Variants in GABRR1 observed in about 807,000 individuals in gnomAD.
GABRR1 encodes gamma-aminobutyric acid receptor subunit rho-1.
Under a neutral mutation model 55.5 loss-of-function variants are expected in GABRR1, and 59 were observed. The ratio of observed to expected loss-of-function variants is 1.06; its 90% CI spans 0.86 to 1.32. The LOEUF (loss-of-function observed/expected upper bound fraction) is 1.32. GABRR1 is among the 40% of genes most tolerant of loss of function. The pLI is 0.00. For synonymous variants in GABRR1, 213 were observed against 226.0 expected, an observed-to-expected ratio of 0.94 and a Z score of 0.51; for missense variants, 602 against 619.1, an observed-to-expected ratio of 0.97 and a Z score of 0.29.
rs375160981 is a variant in GABRR1, at chr6:89,226,264, T to G, written c.-410-4818A>C. The stretch of plus-strand genomic sequence containing the variant: ...TCTTTTGCTGTGCAGAAGCTCTTTA[T>G]TTTAATTAGATCCCATTGTCAATTT... On this transcript the variant is annotated intron_variant, in intron 1 of 11. Coordinates refer to the GABRR1 transcript ENST00000369451. 7.5e-4 allele frequency among the ~76,000 whole-genome samples: 98 copies of G among 130,648 alleles called. 1 individual carries two copies. Among genetic ancestry groups the G allele is most frequent in the African/African-American group, 2.7e-3 (89 of 32,764 alleles). 85.7% of individuals were successfully genotyped at this position (130,648 alleles called of 152,430 possible). A position where few individuals can be genotyped will look rare whatever the true frequency, so the allele number is the denominator to read the frequency against.
chr6:89,192,671 C>T (rs1772141095), intron 5 of GABRR1, among the ~76,000 whole-genome samples: 1 of 151,824 alleles, frequency 6.6e-6, no homozygotes, highest in South Asian at 2.1e-4. Context: ...AACGATTCTC[C>T]TGCCTCAGCC....
chr6:89,190,062 C>A, intron 6 of GABRR1, 103 bp downstream of exon 6: 1 of 671,724 alleles, frequency 1.5e-6, no homozygotes, highest in Non-Finnish European at 2.4e-6. Context: ...AAAAAAAAGT[C>A]TACTCATGAA....
At chr6:89,197,652 CAGA>C (rs1772342390) in intron 5 of GABRR1, among the ~76,000 whole-genome samples, 1 of 152,116 alleles carries the variant, frequency 6.6e-6, no homozygotes, top group South Asian at 2.1e-4. Context: ...CCAGATGAAG[CAGA>C]AGAACTTTTT....
Position 89,197,318 on chromosome 6 carries a change from C to T in GABRR1, c.572+702G>A, listed in dbSNP as rs144580084. Among the ~76,000 whole-genome samples the T allele has an allele frequency of 2.2e-3, 334 of 152,308 alleles. 2 individuals are homozygous for T. Among genetic ancestry groups the T allele is most frequent in the Middle Eastern group, 0.017 (5 of 294 alleles). On this transcript the variant is annotated intron_variant, in intron 5 of 9. Coordinates refer to ENST00000454853, the MANE Select transcript of GABRR1 (RefSeq NM_002042.5). Reference sequence around the variant, plus strand: ...CACCGTCCACAAAGCACAAGAGGAGCAGACCACAGCAAGTGACCACATCCC... The same window carrying T: ...CACCGTCCACAAAGCACAAGAGGAGTAGACCACAGCAAGTGACCACATCCC...
chr6:89,201,970 G>A (rs1165078448), intron 2 of GABRR1, among the ~76,000 whole-genome samples: 1 of 152,074 alleles, frequency 6.6e-6, no homozygotes, highest in African/African-American at 2.4e-5. Context: ...CCTTTTGAGG[G>A]GTTTTGAGCT....
chr6:89,181,902 T>C lies in GABRR1; in HGVS notation c.949+3A>G. On this transcript the variant is annotated splice_donor_region_variant and intron_variant, in intron 8 of 9. Coordinates refer to ENST00000454853, the MANE Select transcript of GABRR1 (RefSeq NM_002042.5). ...TGGAATATGCACTTGAGGTATTCCT[T>C]ACCTAAGGGGACTCTGGCAGGCACG... The C allele has an allele frequency of 6.2e-7, 1 of 1,608,706 alleles. No individual in the cohort carries two copies. The highest frequency in any genetic ancestry group is 1.3e-5 in the African/African-American group (1 of 74,822).
At chr6:89,218,676 A>G (rs989281820), upstream of GABRR1, among the ~76,000 whole-genome samples, 97 of 152,230 alleles carry the variant, frequency 6.4e-4, no homozygotes, top group African/African-American at 2.3e-3. Flanking sequence ...CCTTGCCTTG[A>G]ATGCCCTATT....
At chr6:89,196,822 G>GGAAGGAAAGAAAGAAA (rs1262381146) in intron 5 of GABRR1, among the ~76,000 whole-genome samples, 24 of 91,116 alleles carry the variant, frequency 2.6e-4, no homozygotes, top group Non-Finnish European at 3.9e-4. Context: ...AAGAAAAGAA[G>GGAAGGAAAGAAAGAAA]GAAAGAAAGA....
rs1325732475 is a variant in GABRR1 at position 89,178,965 on chromosome 6, C to A, written c.1245G>T (p.Glu415Asp). 1 of 1,614,198 alleles carries A rather than the reference C, an allele frequency of 6.2e-7. No individual in the cohort carries two copies. The highest frequency in any genetic ancestry group is 8.5e-7 in the Non-Finnish European group (1 of 1,180,038). The change falls in exon 10 of 10, where the codon GAG becomes GAT. Residue 415 changes from glutamate to aspartate, a missense_variant. Coordinates refer to ENST00000454853, the MANE Select transcript of GABRR1 (RefSeq NM_002042.5). ...EVNDLDNYMP[E>D]NGEKPDRMMV... ...TCATCCTGTCGGGCTTCTCTCCATT[C>A]TCTGGCATGTAGTTGTCCAGGTCAT... is the stretch of plus-strand genomic sequence containing the variant.
chr6:89,203,174 A>G (rs769638140), intron 2 of GABRR1, among the ~76,000 whole-genome samples: 5 of 152,184 alleles, frequency 3.3e-5, no homozygotes, highest in African/African-American at 1.2e-4. Flanking sequence ...GCTTACAGAT[A>G]TAAGGGAGGA....
In GABRR1 at chr6:89,198,205, C is replaced by T. The variant is rs748969487; in HGVS notation, c.387G>A (p.Lys129=). The change falls in exon 5 of 10, where the codon AAG becomes AAA. Residue 129 remains lysine, a synonymous_variant. Coordinates refer to ENST00000454853, the MANE Select transcript of GABRR1 (RefSeq NM_002042.5). ...TGCTTGGAAAAGACAGCCTCTCGTC[C>T]TTCCAGTAGTGCCTCAGGTAGAGGG... ...TMTLYLRHYW[K]DERLSFPSTN... is the part of the protein sequence containing the mutation. The T allele has an allele frequency of 6.2e-7, 1 of 1,614,098 alleles. No individual in the cohort carries two copies. The highest frequency in any genetic ancestry group is 8.5e-7 in the Non-Finnish European group (1 of 1,180,010).
intron 3 of GABRR1, 42 bp downstream of exon 3, chr6:89,201,117 G>T: frequency 1.4e-6 from 2 of 1,435,072 alleles, no homozygotes; most frequent in South Asian, 1.2e-5. Context: ...ACAGACAGAG[G>T]ACCAGAAGAA....
At chr6:89,206,016 G>C (rs1772630159) in intron 1 of GABRR1, among the ~76,000 whole-genome samples, 1 of 151,684 alleles carries the variant, frequency 6.6e-6, no homozygotes, top group African/African-American at 2.4e-5. Flanking sequence ...GCCACGAAAG[G>C]CCAACTGGGG....
intron 5 of GABRR1, among the ~76,000 whole-genome samples, chr6:89,196,384 CAT>C (rs1772272710): frequency 6.6e-6 from 1 of 152,152 alleles, no homozygotes; most frequent in South Asian, 2.1e-4. Flanking sequence ...CCAATGGTCA[CAT>C]ATGTTATGGT....
intron 5 of GABRR1, among the ~76,000 whole-genome samples, chr6:89,194,929 T>C (rs1444625528): frequency 1.3e-5 from 2 of 152,116 alleles, no homozygotes; most frequent in South Asian, 2.1e-4. Context: ...TTATTGGTGT[T>C]CAAGACAGAG....
intron 1 of GABRR1, among the ~76,000 whole-genome samples, chr6:89,222,931 A>G (rs912244877): frequency 1.3e-5 from 2 of 152,148 alleles, no homozygotes; most frequent in East Asian, 3.8e-4. Context: ...AGACCGTTAA[A>G]CTATGACGTT....
intron 1 of GABRR1, among the ~76,000 whole-genome samples, chr6:89,222,782 T>C (rs1252624584): frequency 6.6e-6 from 1 of 152,152 alleles, no homozygotes; most frequent in African/African-American, 2.4e-5. Context: ...ATTTTCATGA[T>C]TGATGAGAGA....
intron 5 of GABRR1, 102 bp downstream of exon 5, chr6:89,197,917 AC>A (rs1193561071): frequency 9.3e-6 from 8 of 862,582 alleles, no homozygotes; most frequent in Non-Finnish European, 1.5e-5. Flanking sequence ...GCTGGCAACT[AC>A]TGAAAAGTTA....
intron 5 of GABRR1, among the ~76,000 whole-genome samples, chr6:89,196,183 G>A (rs1255653808): frequency 6.6e-6 from 1 of 152,158 alleles, no homozygotes; most frequent in African/African-American, 2.4e-5. Context: ...ATTTGTTGAT[G>A]ATAGAATTAT....
Sources: allele counts gnomAD v4.1 joint callset (sites outside exome capture counted in the v4.1 genomes callset), GRCh38; gene constraint gnomAD v4.1.1; transcripts MANE v1.5; gene names NCBI Gene and HGNC (gene_info 2026-07-23, HGNC 2026-07-21).